The following ITGAL variants were observed in gnomAD, a reference collection of about 807,000 sequenced individuals.
The protein encoded by ITGAL is integrin subunit alpha L, also known as integrin alpha-L.
Under a neutral mutation model 138.4 loss-of-function variants are expected in ITGAL, and 68 were observed. The ratio of observed to expected loss-of-function variants is 0.49; its 90% CI spans 0.40 to 0.60. ITGAL has a LOEUF of 0.60. ITGAL is among the 20% of genes least tolerant of loss of function. The probability of loss-of-function intolerance (pLI) is 0.00; values close to 1 mark genes in which losing one functional copy is unlikely to be tolerated. For synonymous variants in ITGAL, 561 were observed against 584.3 expected, an observed-to-expected ratio of 0.96 and a Z score of 0.57; for missense variants, 1,256 against 1,478.6, an observed-to-expected ratio of 0.85 and a Z score of 2.47.
In ITGAL at chr16:30,521,682, T is replaced by G; in HGVS notation, c.*17T>G. On this transcript the variant is annotated 3_prime_UTR_variant, in exon 31 of 31. Coordinates refer to ENST00000356798, the MANE Select transcript of ITGAL (RefSeq NM_002209.3). ...AAGGACTGAGTCCAGGCCTGTGAGG[T>G]GCAGAGTGCCCAGAACTGGACTCAG... is the stretch of plus-strand genomic sequence containing the variant. 6.2e-7 allele frequency: 1 copy of G among 1,611,450 alleles called. No individual in the cohort carries two copies. Among genetic ancestry groups the G allele is most frequent in the South Asian group, 1.1e-5 (1 of 90,938 alleles).
chr16:30,475,276 C>T (rs554122306), intron 2 of ITGAL, 30 bp from the exon 3 acceptor site: 1 of 1,545,768 alleles, frequency 6.5e-7, no homozygotes, highest in East Asian at 2.2e-5. Context: ...ATCTGGGCCA[C>T]TCCCTCTCAC....
Position 30,510,873 on chromosome 16 carries a change from C to T in ITGAL, c.2620-8C>T, listed in dbSNP as rs2151171198. On this transcript the variant is annotated splice_polypyrimidine_tract_variant and splice_region_variant and intron_variant, in intron 22 of 30. Transcript: ENST00000356798. ...TTCCATTTCCATTGCCCTCTCCTTT[C>T]CTGCCAGGTTGCTCTGCAGATGATG... 6.2e-7 allele frequency: 1 copy of T among 1,613,250 alleles called. No individual in the cohort carries two copies. Among genetic ancestry groups the T allele is most frequent in the South Asian group, 1.1e-5 (1 of 91,066 alleles).
chr16:30,510,439 G>C lies in ITGAL; in HGVS notation c.2587G>C (p.Val863Leu). 3 of 1,612,124 alleles carry C rather than the reference G, an allele frequency of 1.9e-6. No individual in the cohort carries two copies. In the Admixed American group the frequency reaches 5.0e-5, roughly 27 times the overall value. The change falls in exon 22 of 31, where the codon GTG becomes CTG. Residue 863 changes from valine to leucine, a missense_variant. This residue lies in a region of ITGAL where 867 missense variants were observed against 972.5 expected (regional missense o/e 0.89). Transcript: ENST00000356798. ...RLLSRALSCN[V>L]SSPIFKAGHS... Reference sequence around the variant, plus strand: ...TCTGTCCAGGGCATTATCTTGCAATGTGAGCTCTCCCATCTTCAAAGCAGG... The same window carrying C: ...TCTGTCCAGGGCATTATCTTGCAATCTGAGCTCTCCCATCTTCAAAGCAGG...
chr16:30,513,044 A>G (rs1039314972), intron 24 of ITGAL, among the ~76,000 whole-genome samples: 2 of 152,208 alleles, frequency 1.3e-5, no homozygotes, highest in African/African-American at 2.4e-5. Context: ...TGATACTGAC[A>G]TGAAATTAGA....
At chr16:30,488,702 C>CAAAAAAA (rs34533619) in intron 9 of ITGAL, among the ~76,000 whole-genome samples, 2 of 57,682 alleles carry the variant, frequency 3.5e-5, no homozygotes, top group East Asian at 5.6e-4. Context: ...GACTCCATCT[C>CAAAAAAA]AAAAAAAAAA....
At chr16:30,519,073 A>G (rs35268208) in intron 29 of ITGAL, among the ~76,000 whole-genome samples, 51 of 152,172 alleles carry the variant, frequency 3.4e-4, no homozygotes, top group African/African-American at 1.2e-3. Context: ...AAATACAAAA[A>G]TTAGCCGGGC....
chr16:30,506,125 T>C (rs2050990012), intron 20 of ITGAL, among the ~76,000 whole-genome samples: 1 of 151,450 alleles, frequency 6.6e-6, no homozygotes, highest in African/African-American at 2.4e-5. Context: ...CCAGGCATGG[T>C]GGCACGTGCC....
intron 21 of ITGAL, 37 bp from the exon 22 acceptor site, chr16:30,510,324 G>A (rs1474169536): frequency 7.8e-7 from 1 of 1,279,036 alleles, no homozygotes; most frequent in South Asian, 1.2e-5. Flanking sequence ...ACTTGGCCTT[G>A]CTCATTAACA....
chr16:30,509,386 T>C (rs2051055123), intron 21 of ITGAL: 1 of 152,116 alleles, frequency 6.6e-6, no homozygotes, highest in African/African-American at 2.4e-5. Context: ...ATGAATGGTT[T>C]AATAATGCTT....
intron 9 of ITGAL, 49 bp from the exon 10 acceptor site, chr16:30,489,033 C>A (rs1301515404): frequency 1.3e-6 from 2 of 1,505,554 alleles, no homozygotes. Context: ...ATTTTTTTCA[C>A]TGCATTTACT....
Position 30,484,252 on chromosome 16 carries a change from A to G in ITGAL, c.995A>G (p.Tyr332Cys), listed in dbSNP as rs1223004604. Residue 332 changes from tyrosine to cysteine, a missense_variant, in exon 9 of 31, where the codon TAT (tyrosine) becomes TGT (cysteine). Physicochemically the swap from Tyr to Cys is radical, Grantham distance 194 (BLOSUM62 -2). This residue lies in a region of ITGAL where 177 missense variants were observed against 288.8 expected (regional missense o/e 0.61). Transcript: ENST00000356798. ...DLFTELQKKIYVIEGTSKQDL... is the reference protein window; with the variant it reads ...DLFTELQKKICVIEGTSKQDL... ...TTCACTGAGCTGCAGAAGAAGATCTATGTCATTGAGGGTGAGTGGCAGGCC... is the reference window on the plus strand; with the variant it reads ...TTCACTGAGCTGCAGAAGAAGATCTGTGTCATTGAGGGTGAGTGGCAGGCC... The G allele has an allele frequency of 1.2e-6, 2 of 1,613,742 alleles. No individual in the cohort carries two copies. Among genetic ancestry groups the G allele is most frequent in the Non-Finnish European group, 1.7e-6 (2 of 1,179,776 alleles).
chr16:30,474,479 G>A (rs74015008), intron 2 of ITGAL, 181 bp downstream of exon 2: 2 of 592,296 alleles, frequency 3.4e-6, no homozygotes, highest in Admixed American at 6.0e-5. Context: ...ATCAAAAAGC[G>A]GGATACACGC....
At position 30,493,245 on chromosome 16, in the gene ITGAL, C is replaced by CATTTTATTTTATTTTATTTTATTTT. The variant is rs58908720; in HGVS notation, c.1214-952_1214-928dup. Reference sequence around the variant, plus strand: ...TTGCATTCTTCTGACTAATATATACCATTTTATTTTATTTTATTTTATTTT... The same window carrying CATTTTATTTTATTTTATTTTATTTT: ...TTGCATTCTTCTGACTAATATATACCATTTTATTTTATTTTATTTTATTTTATTTTATTTTATTTTATTTTATTTT... On this transcript the variant is annotated intron_variant, in intron 11 of 30. Coordinates refer to ENST00000356798, the MANE Select transcript of ITGAL (RefSeq NM_002209.3). 6.9e-3 allele frequency among the ~76,000 whole-genome samples: 958 copies of CATTTTATTTTATTTTATTTTATTTT among 139,802 alleles called. 12 individuals carry two copies. The highest frequency in any genetic ancestry group is 0.021 in the African/African-American group (775 of 37,236). The allele number at this position is 139,802 out of a possible 152,430, so 91.7% of individuals were successfully genotyped here. A position where few individuals can be genotyped will look rare whatever the true frequency, so the allele number is the denominator to read the frequency against.
At chr16:30,512,765 A>G (rs2051108226) in intron 24 of ITGAL, among the ~76,000 whole-genome samples, 1 of 151,538 alleles carries the variant, frequency 6.6e-6, no homozygotes, top group African/African-American at 2.4e-5. Context: ...CAGTTGCACA[A>G]TCTCGGCTCA....
intron 15 of ITGAL, among the ~76,000 whole-genome samples, chr16:30,498,398 C>T (rs1172545865): frequency 2.0e-5 from 3 of 152,094 alleles, no homozygotes; most frequent in African/African-American, 7.2e-5. Flanking sequence ...CACCACTGCA[C>T]TCCAGCCTGA....
intron 21 of ITGAL, among the ~76,000 whole-genome samples, chr16:30,509,968 G>A (rs947275499): frequency 1.3e-5 from 2 of 151,836 alleles, no homozygotes; most frequent in Non-Finnish European, 1.5e-5. Context: ...GAGCCTGCGA[G>A]TCAGAGGTTG....
In ITGAL at chr16:30,475,287, A is replaced by G; in HGVS notation, c.165-19A>G. The G allele has an allele frequency of 6.3e-7, 1 of 1,580,048 alleles. No homozygotes were observed. Among genetic ancestry groups the G allele is most frequent in the South Asian group, 1.1e-5 (1 of 90,050 alleles). On this transcript the variant is annotated intron_variant, in intron 2 of 30. Transcript: ENST00000356798. ...ACAGATCTGGGCCACTCCCTCTCACAGGTGAGATTTCTCACCAGGGTCATC... is the reference window on the plus strand; with the variant it reads ...ACAGATCTGGGCCACTCCCTCTCACGGGTGAGATTTCTCACCAGGGTCATC...
intron 22 of ITGAL, 111 bp downstream of exon 22, chr16:30,510,582 A>T: frequency 1.4e-6 from 1 of 702,470 alleles, no homozygotes; most frequent in Non-Finnish European, 2.5e-6. Context: ...AGAAGGGTGT[A>T]CCTTGCCCCT....
At chr16:30,520,034 G>A in intron 30 of ITGAL, 67 bp downstream of exon 30, 2 of 1,217,376 alleles carry the variant, frequency 1.6e-6, no homozygotes, top group Non-Finnish European at 2.4e-6. Flanking sequence ...TCTGGTGGGA[G>A]CCAGGGAGGA....
Sources: gnomAD v4.1 joint callset for allele counts (sites outside exome capture counted in the v4.1 genomes callset) on GRCh38, gnomAD v4.1.1 for gene constraint, gnomAD v4.1.1 regional missense constraint, MANE v1.5 for transcripts, NCBI Gene and HGNC (gene_info 2026-07-23, HGNC 2026-07-21) for gene names.